The following GRIP1 variants were observed in gnomAD, a reference collection of about 807,000 sequenced individuals.
GRIP1 encodes the protein glutamate receptor-interacting protein 1.
A neutral mutation model predicts 129.9 loss-of-function variants in GRIP1; 45 were observed. The ratio of observed to expected loss-of-function variants is 0.35; its 90% CI spans 0.27 to 0.44. The LOEUF (loss-of-function observed/expected upper bound fraction) is 0.44, where lower values mean the gene tolerates loss of function less well. Ranked by LOEUF, GRIP1 falls within the 20% of genes least tolerant of loss-of-function variation. The pLI is 1.00. For missense variants in GRIP1, 1,196 were observed against 1,396.8 expected (o/e 0.86, Z 2.29); for synonymous variants, 530 against 520.8 (o/e 1.02, Z -0.24).
chr12:66,712,189 T>TA, intron 1 of GRIP1, among the ~76,000 whole-genome samples: 1 of 152,076 alleles, frequency 6.6e-6, no homozygotes, highest in South Asian at 2.1e-4. Context: ...GATTTTAAGT[T>TA]AAGCTTGGTA....
At chr12:66,483,669 T>TA (rs1461422067) in intron 7 of GRIP1, among the ~76,000 whole-genome samples, 2 of 152,192 alleles carry the variant, frequency 1.3e-5, no homozygotes, top group Non-Finnish European at 1.5e-5. Flanking sequence ...AATAGTATTT[T>TA]AAAAACTTTT....
At chr12:66,674,675 C>T (rs1462842306) in intron 1 of GRIP1, among the ~76,000 whole-genome samples, 2 of 152,106 alleles carry the variant, frequency 1.3e-5, no homozygotes, top group Admixed American at 1.3e-4. Flanking sequence ...GAAACAAGTC[C>T]TAGACGAATG....
At chr12:66,359,450 A>C (rs931332929) in intron 23 of GRIP1, among the ~76,000 whole-genome samples, 5 of 152,146 alleles carry the variant, frequency 3.3e-5, no homozygotes, top group African/African-American at 1.2e-4. Flanking sequence ...AAAACTAACA[A>C]CACCACCCAA....
intron 1 of GRIP1, among the ~76,000 whole-genome samples, chr12:66,927,054 A>C (rs1006139027): frequency 3.3e-5 from 5 of 152,072 alleles, no homozygotes; most frequent in Non-Finnish European, 7.4e-5. Context: ...CATAGACACC[A>C]CTCCAACTTG....
intron 1 of GRIP1, among the ~76,000 whole-genome samples, chr12:66,844,684 C>G (rs1452947968): frequency 6.6e-6 from 1 of 152,088 alleles, no homozygotes; most frequent in Non-Finnish European, 1.5e-5. Flanking sequence ...TCACAATGGC[C>G]AAAAGATGGA....
intron 15 of GRIP1, among the ~76,000 whole-genome samples, chr12:66,418,648 T>C (rs1279146219): frequency 2.6e-5 from 4 of 152,118 alleles, no homozygotes; most frequent in Admixed American, 6.6e-5. Context: ...GAATAGTCAT[T>C]TCTCAAAAGA....
intron 1 of GRIP1, among the ~76,000 whole-genome samples, chr12:66,707,579 T>C (rs570437890): frequency 6.7e-6 from 1 of 150,116 alleles, no homozygotes; most frequent in Admixed American, 6.6e-5. Context: ...GTCCTTGGTC[T>C]CTCCTAGCAC....
intron 1 of GRIP1, among the ~76,000 whole-genome samples, chr12:66,954,337 T>C (rs1430678486): frequency 6.6e-6 from 1 of 152,336 alleles, no homozygotes; most frequent in African/African-American, 2.4e-5. Context: ...TACTAAATGG[T>C]ATAGAAAAAT....
intron 1 of GRIP1, among the ~76,000 whole-genome samples, chr12:67,052,784 G>C (rs1220775251): frequency 7.0e-6 from 1 of 143,164 alleles, no homozygotes; most frequent in Admixed American, 6.8e-5. Context: ...GAGGGAGGGA[G>C]GGACGGAGGG....
chr12:67,050,034 T>G (rs1341152330), intron 1 of GRIP1, among the ~76,000 whole-genome samples: 1 of 149,362 alleles, frequency 6.7e-6, no homozygotes, highest in African/African-American at 2.6e-5. Context: ...GGGGTGATTT[T>G]TTCATTGCTT....
chr12:66,910,021 T>TTGA (rs2041002737), intron 1 of GRIP1, among the ~76,000 whole-genome samples: 1 of 152,190 alleles, frequency 6.6e-6, no homozygotes, highest in Admixed American at 6.5e-5. Flanking sequence ...GGTCAGTGCA[T>TTGA]TTAATCAAAG....
chr12:66,918,822 A>C (rs1296273327), intron 1 of GRIP1, among the ~76,000 whole-genome samples: 1 of 152,200 alleles, frequency 6.6e-6, no homozygotes, highest in Non-Finnish European at 1.5e-5. Context: ...AAACTCCAAG[A>C]ATATCATTAA....
rs140448207 is a variant in GRIP1 at position 66,568,451 on chromosome 12, C to T, written c.137-26501G>A. The stretch of plus-strand genomic sequence containing the variant: ...ACCTGTGACAAGAAGTGTGTGGTAA[C>T]GCTCTTATGCTCCTCCATGGACCCT... On this transcript the variant is annotated intron_variant, in intron 2 of 24. Coordinates refer to ENST00000359742, the MANE Select transcript of GRIP1 (RefSeq NM_001366722.1). The T allele has an allele frequency of 9.0e-4, 151 of 168,504 alleles. 3 individuals are homozygous for T. Among genetic ancestry groups the T allele is most frequent in the Middle Eastern group, 5.4e-3 (3 of 560 alleles). 10.4% of individuals were successfully genotyped at this position (168,504 alleles called of 1,614,324 possible).
intron 11 of GRIP1, among the ~76,000 whole-genome samples, chr12:66,451,812 C>T (rs1324908724): frequency 6.6e-6 from 1 of 152,194 alleles, no homozygotes; most frequent in African/African-American, 2.4e-5. Flanking sequence ...AGGTGGCCAA[C>T]AGCTCCTTTG....
intron 1 of GRIP1, among the ~76,000 whole-genome samples, chr12:66,922,211 T>A (rs918982910): frequency 1.3e-5 from 2 of 152,190 alleles, no homozygotes; most frequent in African/African-American, 2.4e-5. Flanking sequence ...AACACTTTTT[T>A]AATATATCCA....
intron 11 of GRIP1, among the ~76,000 whole-genome samples, chr12:66,451,399 T>TG (rs2058798999): frequency 9.4e-6 from 1 of 106,704 alleles, no homozygotes; most frequent in Non-Finnish European, 1.9e-5. Context: ...TTTTTTTTTT[T>TG]TTTTTTTTTT....
chr12:66,444,615 C>T lies in GRIP1; in HGVS notation c.1656G>A (p.Lys552=). ...QLLRDSSITS[K]VTLEIEFDVA... ...CATCAAACTCGATTTCCAGTGTGAC[C>T]TTGCTCGTGATTGAAGAGTCTCGGA... The change falls in exon 13 of 25, where the codon AAG becomes AAA. Residue 552 remains lysine, a synonymous_variant. Coordinates refer to ENST00000359742, the MANE Select transcript of GRIP1 (RefSeq NM_001366722.1). 6.2e-7 allele frequency: 1 copy of T among 1,613,938 alleles called. No homozygotes were observed.
intron 1 of GRIP1, among the ~76,000 whole-genome samples, chr12:66,627,455 G>A (rs1052087712): frequency 7.9e-5 from 12 of 152,222 alleles, no homozygotes; most frequent in African/African-American, 2.9e-4. Context: ...TCAAGTATAT[G>A]TCTGACAAGT....
At chr12:66,395,090 T>C (rs746861074) in intron 16 of GRIP1, among the ~76,000 whole-genome samples, 4 of 152,240 alleles carry the variant, frequency 2.6e-5, no homozygotes, top group Non-Finnish European at 5.9e-5. Context: ...ATTTTGGCTA[T>C]TCAACATTAT....
Sources: gnomAD v4.1 joint callset for allele counts (sites outside exome capture counted in the v4.1 genomes callset) on GRCh38, gnomAD v4.1.1 for gene constraint, MANE v1.5 for transcripts, NCBI Gene and HGNC (gene_info 2026-07-23, HGNC 2026-07-21) for gene names.